TMEM132C: variants seen among roughly 807,000 people sequenced by gnomAD.
TMEM132C encodes transmembrane protein 132C, also known as protein phosphatase 1, regulatory subunit 152.
TMEM132C carries 29 observed loss-of-function variants against 61.4 expected under a neutral mutation model. The observed-to-expected ratio is 0.47, with a 90% CI of 0.35 to 0.64. The LOEUF is 0.64. Among genes scored for constraint, TMEM132C ranks in the 30% least tolerant of loss-of-function variants. TMEM132C has a pLI of 0.00. For synonymous variants in TMEM132C, 656 were observed against 633.1 expected (o/e 1.04, Z -0.54); for missense variants, 1,408 against 1,476.9 (o/e 0.95, Z 0.76).
intron 1 of TMEM132C, among the ~76,000 whole-genome samples, chr12:128,327,544 G>A (rs551593866): frequency 5.9e-5 from 9 of 151,972 alleles, no homozygotes; most frequent in Middle Eastern, 3.4e-3. Flanking sequence ...CACCATGCCC[G>A]GCTAATTTTT....
At chr12:128,375,235 G>T (rs1386442453) in intron 1 of TMEM132C, among the ~76,000 whole-genome samples, 1 of 152,122 alleles carries the variant, frequency 6.6e-6, no homozygotes, top group Non-Finnish European at 1.5e-5. Context: ...TGTGACCGGG[G>T]TGGGCGGGAG....
Position 128,705,996 on chromosome 12 carries a change from C to T in TMEM132C, c.3028C>T (p.His1010Tyr). The T allele has an allele frequency of 6.4e-7, 1 of 1,551,720 alleles. No homozygotes were observed. Among genetic ancestry groups the T allele is most frequent in the Non-Finnish European group, 8.7e-7 (1 of 1,147,000 alleles). ...ACCGGGGGCCTGCGAGGAGAGCAAC[C>T]ATCTCCTGCTCAATGGTGGCTCCCA... ...RGPGACEESN[H>Y]LLLNGGSHKH... is the part of the protein sequence containing the mutation. The change falls in exon 9 of 9, where the codon CAT becomes TAT. Residue 1010 changes from histidine (H) to tyrosine (Y), a missense_variant. Physicochemically the swap from His to Tyr is moderately conservative, Grantham distance 83 (BLOSUM62 2). Coordinates refer to ENST00000435159, the MANE Select transcript of TMEM132C (RefSeq NM_001136103.3).
At chr12:128,370,987 C>G (rs532789435) in intron 1 of TMEM132C, among the ~76,000 whole-genome samples, 1 of 152,208 alleles carries the variant, frequency 6.6e-6, no homozygotes, top group East Asian at 1.9e-4. Context: ...TGCCCTTGTG[C>G]CGATAGAAGT....
chr12:128,695,322 C>A (rs912951443), intron 6 of TMEM132C, among the ~76,000 whole-genome samples: 9 of 152,204 alleles, frequency 5.9e-5, no homozygotes, highest in Admixed American at 2.0e-4. Context: ...GAGTTCAAGA[C>A]CAGCCTGGGC....
intron 3 of TMEM132C, among the ~76,000 whole-genome samples, chr12:128,574,592 C>T (rs1336723254): frequency 6.6e-6 from 1 of 152,200 alleles, no homozygotes; most frequent in Non-Finnish European, 1.5e-5. Flanking sequence ...TTCAATTGTC[C>T]TTCCCAGTGG....
intron 1 of TMEM132C, among the ~76,000 whole-genome samples, chr12:128,379,474 C>G (rs1874333166): frequency 6.6e-6 from 1 of 152,144 alleles, no homozygotes; most frequent in Admixed American, 6.5e-5. Flanking sequence ...GGATTTAATT[C>G]CTGTCAGTTC....
intron 2 of TMEM132C, among the ~76,000 whole-genome samples, chr12:128,524,658 C>T (rs1279155546): frequency 6.6e-6 from 1 of 152,116 alleles, no homozygotes; most frequent in African/African-American, 2.4e-5. Context: ...GGTGAGATTC[C>T]AGGTTGAAAT....
At chr12:128,600,015 G>C (rs565569867) in intron 3 of TMEM132C, among the ~76,000 whole-genome samples, 32 of 152,180 alleles carry the variant, frequency 2.1e-4, no homozygotes, top group Admixed American at 7.8e-4. Context: ...GACAGAGTCT[G>C]GCTGTCACCC....
intron 1 of TMEM132C, among the ~76,000 whole-genome samples, chr12:128,378,673 G>A (rs1032668574): frequency 3.3e-5 from 5 of 152,076 alleles, no homozygotes; most frequent in East Asian, 1.9e-4. Context: ...GTAGGGTGAC[G>A]GTCAATTCAC....
chr12:128,705,645 A>G lies in TMEM132C; in HGVS notation c.2677A>G (p.Thr893Ala), dbSNP rs1234352730. ...GCTGCAGAACATCCCCATTGACTTCACCAACTTCCCTGCCCACGTGGACCT... is the reference window on the plus strand; with the variant it reads ...GCTGCAGAACATCCCCATTGACTTCGCCAACTTCCCTGCCCACGTGGACCT... ...GQLQNIPIDF[T>A]NFPAHVDLPK... The change falls in exon 9 of 9, where the codon ACC (threonine) becomes GCC (alanine). Residue 893 changes from threonine (T) to alanine (A), a missense_variant. Thr to Ala is a moderately conservative substitution (Grantham distance 58). Transcript: ENST00000435159. 6.4e-7 allele frequency: 1 copy of G among 1,551,040 alleles called. No homozygotes were observed. Among genetic ancestry groups the G allele is most frequent in the Admixed American group, 2.0e-5 (1 of 51,004 alleles).
At chr12:128,424,847 G>A (rs987845504) in intron 2 of TMEM132C, among the ~76,000 whole-genome samples, 1 of 152,104 alleles carries the variant, frequency 6.6e-6, no homozygotes, top group Non-Finnish European at 1.5e-5. Flanking sequence ...TTTCCATTAG[G>A]TGGCCACATG....
chr12:128,532,399 G>A (rs561163797), intron 2 of TMEM132C, among the ~76,000 whole-genome samples: 2 of 151,896 alleles, frequency 1.3e-5, no homozygotes, highest in Non-Finnish European at 2.9e-5. Flanking sequence ...AGCATTTTGG[G>A]AGGCCAAAGC....
chr12:128,273,277 A>T (rs140072390), intron 1 of TMEM132C, among the ~76,000 whole-genome samples: 3 of 152,138 alleles, frequency 2.0e-5, no homozygotes, highest in Non-Finnish European at 4.4e-5. Context: ...TGTTCAATCA[A>T]TCCACCTTTA....
At chr12:128,701,951 G>C (rs1416543282) in intron 8 of TMEM132C, among the ~76,000 whole-genome samples, 2 of 147,962 alleles carry the variant, frequency 1.4e-5, no homozygotes, top group Non-Finnish European at 3.0e-5. Context: ...CCCAGCTGGA[G>C]TGCAGTGGTG....
At chr12:128,639,393 A>G (rs868083674) in intron 4 of TMEM132C, among the ~76,000 whole-genome samples, 1 of 117,674 alleles carries the variant, frequency 8.5e-6, no homozygotes, top group African/African-American at 4.1e-5. Flanking sequence ...TAAAGATGAC[A>G]ATGATGATGG....
At chr12:128,633,533 G>A (rs888434107) in intron 4 of TMEM132C, among the ~76,000 whole-genome samples, 1 of 152,152 alleles carries the variant, frequency 6.6e-6, no homozygotes, top group South Asian at 2.1e-4. Context: ...AATTTCTAAT[G>A]CAATGAGTAT....
intron 2 of TMEM132C, among the ~76,000 whole-genome samples, chr12:128,449,730 T>C (rs1593057806): frequency 1.3e-5 from 2 of 152,094 alleles, no homozygotes; most frequent in Non-Finnish European, 2.9e-5. Context: ...GTCTCAAAAA[T>C]AGCAGTGGTT....
At chr12:128,294,986 AATAG>A (rs1555251003) in intron 1 of TMEM132C, among the ~76,000 whole-genome samples, 10 of 150,296 alleles carry the variant, frequency 6.7e-5, no homozygotes, top group Admixed American at 3.3e-4. Flanking sequence ...ATAAATAAAT[AATAG>A]ATAGATAGAT....
At chr12:128,423,906 C>T (rs371190055) in intron 2 of TMEM132C, among the ~76,000 whole-genome samples, 305 of 151,268 alleles carry the variant, frequency 2.0e-3, no homozygotes, top group African/African-American at 7.3e-3. Flanking sequence ...ATTAGCTGGG[C>T]GTGGTGGCAG....
Sources: gnomAD v4.1 joint callset for allele counts (sites outside exome capture counted in the v4.1 genomes callset) on GRCh38, gnomAD v4.1.1 for gene constraint, MANE v1.5 for transcripts, NCBI Gene and HGNC (gene_info 2026-07-23, HGNC 2026-07-21) for gene names.